Variants in EXO1 observed in about 807,000 individuals in gnomAD.
EXO1 encodes the protein exonuclease 1.
A neutral mutation model predicts 84.5 loss-of-function variants in EXO1; 69 were observed. That is an observed-to-expected ratio of 0.82 (90% CI 0.67 to 1.00). The LOEUF (loss-of-function observed/expected upper bound fraction) is 1.00, where lower values mean the gene tolerates loss of function less well. Among genes scored for constraint, EXO1 ranks in the 50% least tolerant of loss-of-function variants. The pLI, the probability that EXO1 is intolerant of heterozygous loss-of-function variation, is 0.00. For missense variants in EXO1, 1,045 were observed against 1,000.7 expected, an observed-to-expected ratio of 1.04 and a Z score of -0.60; for synonymous variants, 373 against 366.1, an observed-to-expected ratio of 1.02 and a Z score of -0.21.
chr1:241,850,449 A>G lies in EXO1; in HGVS notation c.24A>G (p.Gln8=). The change falls in exon 4 of 16, where the codon CAA becomes CAG. Residue 8 remains glutamine, a synonymous_variant. Coordinates refer to ENST00000366548, the MANE Select transcript of EXO1 (RefSeq NM_130398.4). MGIQGLL[Q]FIKEASEPIH... ...CCATGGGGATACAGGGATTGCTACA[A>G]TTTATCAAAGAAGCTTCAGAACCCA... The G allele has an allele frequency of 6.2e-7, 1 of 1,614,006 alleles. No individual in the cohort carries two copies. The highest frequency in any genetic ancestry group is 8.5e-7 in the Non-Finnish European group (1 of 1,179,876).
chr1:241,886,060 T>G (rs1558149367), intron 15 of EXO1, among the ~76,000 whole-genome samples: 1 of 151,990 alleles, frequency 6.6e-6, no homozygotes, highest in Non-Finnish European at 1.5e-5. Flanking sequence ...TCCATGTTGG[T>G]CAGGCTAGTC....
At position 241,879,016 on chromosome 1, in the gene EXO1, A is replaced by G; in HGVS notation, c.1782A>G (p.Thr594=). 6.2e-7 allele frequency: 1 copy of G among 1,614,214 alleles called. No individual in the cohort carries two copies. Among genetic ancestry groups the G allele is most frequent in the African/African-American group, 1.3e-5 (1 of 75,062 alleles). ...ACTCTTTTGAGAGCAGCAAATTTACAAGGACCATTTCACCACCCACTTTGG... is the reference window on the plus strand; with the variant it reads ...ACTCTTTTGAGAGCAGCAAATTTACGAGGACCATTTCACCACCCACTTTGG... ...ESYSFESSKF[T]RTISPPTLGT... The change falls in exon 13 of 16, where the codon ACA becomes ACG. Residue 594 remains threonine (T), a synonymous_variant. Transcript: ENST00000366548.
intron 10 of EXO1, among the ~76,000 whole-genome samples, chr1:241,864,299 A>C (rs1275723193): frequency 6.6e-6 from 1 of 152,216 alleles, no homozygotes; most frequent in Non-Finnish European, 1.5e-5. Flanking sequence ...AGGGTATCTA[A>C]ACTTTGGCTG....
At chr1:241,886,334 A>G (rs570277985) in intron 15 of EXO1, among the ~76,000 whole-genome samples, 1 of 152,354 alleles carries the variant, frequency 6.6e-6, no homozygotes, top group African/African-American at 2.4e-5. Flanking sequence ...TGTTAACCAT[A>G]ATACTTCCTT....
chr1:241,879,452 T>C, intron 13 of EXO1, 109 bp downstream of exon 13: 1 of 668,074 alleles, frequency 1.5e-6, no homozygotes, highest in Non-Finnish European at 2.6e-6. Context: ...GCTATATTAT[T>C]TTTTCATTCT....
intron 6 of EXO1, among the ~76,000 whole-genome samples, chr1:241,856,278 A>T (rs2488470): frequency 4.0e-5 from 6 of 148,628 alleles, no homozygotes; most frequent in African/African-American, 2.5e-5. Flanking sequence ...TTTTTTTTTA[A>T]CTTCCCAAAG....
rs376108078 is a variant in EXO1, at chr1:241,850,406, C to T, written c.-17-3C>T. Reference sequence around the variant, plus strand: ...CTGTTCTCCCTGTCTCTTTTCATATCAGGTAGTTAATTTGGCACCATGGGG... The same window carrying T: ...CTGTTCTCCCTGTCTCTTTTCATATTAGGTAGTTAATTTGGCACCATGGGG... On this transcript the variant is annotated splice_polypyrimidine_tract_variant and splice_region_variant and intron_variant, in intron 3 of 15. Transcript: ENST00000366548. 2.5e-6 allele frequency: 4 copies of T among 1,592,126 alleles called. No homozygotes were observed. The highest frequency in any genetic ancestry group is 3.4e-6 in the Non-Finnish European group (4 of 1,160,258).
chr1:241,852,233 G>A (rs1226497669), intron 4 of EXO1, 59 bp from the exon 5 acceptor site: 9 of 1,489,266 alleles, frequency 6.0e-6, no homozygotes, highest in East Asian at 2.3e-5. Context: ...GCCTAAAATA[G>A]AGCAGAAGTA....
chr1:241,873,431 T>C (rs1176591260), intron 12 of EXO1, among the ~76,000 whole-genome samples: 1 of 152,234 alleles, frequency 6.6e-6, no homozygotes, highest in Admixed American at 6.5e-5. Context: ...TAAAAGAGGA[T>C]TGTAGCCCCT....
rs1374610740 is a variant in EXO1 at position 241,885,346 on chromosome 1, C to T, written c.2244C>T (p.Asp748=). The change falls in exon 15 of 16, where the codon GAC becomes GAT. Residue 748 remains aspartate, a synonymous_variant. Coordinates refer to ENST00000366548, the MANE Select transcript of EXO1 (RefSeq NM_130398.4). ...GGCTATATAAGTCCAGTTCTGCAGA[C>T]TCTCTTTCTACAACCAAGATCAAAC... is the stretch of plus-strand genomic sequence containing the variant. ...VPGLYKSSSA[D]SLSTTKIKPL... 17 of 1,613,872 alleles carry T rather than the reference C, an allele frequency of 1.1e-5. No homozygotes were observed. The highest frequency in any genetic ancestry group is 1.4e-5 in the Non-Finnish European group (16 of 1,179,890).
chr1:241,870,430 G>A (rs1662022704), intron 11 of EXO1, among the ~76,000 whole-genome samples: 2 of 152,130 alleles, frequency 1.3e-5, no homozygotes, highest in South Asian at 4.1e-4. Flanking sequence ...ATGTAATATA[G>A]GTTTTTAAGA....
chr1:241,873,136 C>T (rs1017082463), intron 12 of EXO1, among the ~76,000 whole-genome samples: 13 of 151,870 alleles, frequency 8.6e-5, no homozygotes, highest in African/African-American at 3.1e-4. Context: ...AGGTTTGTCA[C>T]ATATGTATAC....
chr1:241,872,688 C>T (rs775718325), intron 12 of EXO1, among the ~76,000 whole-genome samples: 11 of 152,122 alleles, frequency 7.2e-5, no homozygotes, highest in South Asian at 2.1e-4. Context: ...ATGAACTCAT[C>T]GTTTTTTATG....
chr1:241,853,553 A>T, intron 6 of EXO1, 72 bp downstream of exon 6: 1 of 1,561,350 alleles, frequency 6.4e-7, no homozygotes, highest in Non-Finnish European at 8.8e-7. Flanking sequence ...GAGAGGAAGA[A>T]AATCAAGGGT....
chr1:241,878,764 A>G lies in EXO1; in HGVS notation c.1530A>G (p.Ser510=), dbSNP rs758465249. The G allele has an allele frequency of 7.8e-5, 126 of 1,611,946 alleles. No individual in the cohort carries two copies. Among genetic ancestry groups the G allele is most frequent in the Non-Finnish European group, 7.0e-5 (82 of 1,178,678 alleles). ...PGTRSRFFCS[S]DSTDCVSNKV... ...TTTTTATTAGGTTTTTTTGCAGTTC[A>G]GATTCTACTGACTGTGTATCAAACA... The change falls in exon 13 of 16, where the codon TCA becomes TCG. Residue 510 remains serine (S), a synonymous_variant. Coordinates refer to ENST00000366548, the MANE Select transcript of EXO1 (RefSeq NM_130398.4).
At chr1:241,857,196 T>C (rs1466251994) in intron 6 of EXO1, 149 bp from the exon 7 acceptor site, 5 of 738,284 alleles carry the variant, frequency 6.8e-6, no homozygotes, top group Non-Finnish European at 1.2e-5. Context: ...AAACTTACAG[T>C]AGAAAAACTC....
At chr1:241,868,031 A>G (rs748725613) in intron 11 of EXO1, among the ~76,000 whole-genome samples, 14 of 151,648 alleles carry the variant, frequency 9.2e-5, no homozygotes, top group East Asian at 1.9e-4. Flanking sequence ...GCTTGAGCCT[A>G]GGAGTTCAAG....
At chr1:241,883,398 G>A (rs3886571) in intron 14 of EXO1, among the ~76,000 whole-genome samples, 2 of 151,910 alleles carry the variant, frequency 1.3e-5, no homozygotes, top group African/African-American at 2.4e-5. Context: ...ATGCCTTCTC[G>A]CTGTGTCCTT....
intron 11 of EXO1, among the ~76,000 whole-genome samples, chr1:241,869,373 G>A (rs1485763940): frequency 6.6e-6 from 1 of 152,170 alleles, no homozygotes; most frequent in Non-Finnish European, 1.5e-5. Context: ...ACTAGGTATT[G>A]GGGAAACGTG....
Sources: gnomAD v4.1 joint callset for allele counts (sites outside exome capture counted in the v4.1 genomes callset) on GRCh38, gnomAD v4.1.1 for gene constraint, MANE v1.5 for transcripts, NCBI Gene and HGNC (gene_info 2026-07-23, HGNC 2026-07-21) for gene names.